ASAP1: variants seen among roughly 807,000 people sequenced by gnomAD.
ASAP1 encodes the protein ArfGAP with SH3 domain, ankyrin repeat and PH domain 1, also known as arf-GAP with SH3 domain, ANK repeat and PH domain-containing protein 1.
A neutral mutation model predicts 145.2 loss-of-function variants in ASAP1; 43 were observed. That is an observed-to-expected ratio of 0.30 (90% CI 0.23 to 0.38). The LOEUF is 0.38. Among genes scored for constraint, ASAP1 ranks in the 10% least tolerant of loss-of-function variants. The pLI is 1.00. For missense variants in ASAP1, 1,018 were observed against 1,355.3 expected, an observed-to-expected ratio of 0.75 and a Z score of 3.91; for synonymous variants, 546 against 515.5, an observed-to-expected ratio of 1.06 and a Z score of -0.80.
At chr8:130,298,896 G>A (rs1406907013) in intron 3 of ASAP1, among the ~76,000 whole-genome samples, 1 of 152,114 alleles carries the variant, frequency 6.6e-6, no homozygotes, top group Non-Finnish European at 1.5e-5. Flanking sequence ...ATGTCTGCCC[G>A]ACCAGATTAC....
At chr8:130,324,062 T>C (rs895995307) in intron 3 of ASAP1, among the ~76,000 whole-genome samples, 9 of 152,176 alleles carry the variant, frequency 5.9e-5, no homozygotes, top group Non-Finnish European at 1.3e-4. Flanking sequence ...CTGCCAGCTC[T>C]GTTAGAAACC....
At position 130,358,029 on chromosome 8, in the gene ASAP1, C is replaced by T. The variant is rs748443118; in HGVS notation, c.174G>A (p.Thr58=). 6.8e-6 allele frequency: 11 copies of T among 1,608,108 alleles called. No homozygotes were observed. In the Middle Eastern group the frequency reaches 9.9e-4, roughly 145 times the overall value. ...CGGCCCGACCTACCTCCTCCAGCAG[C>T]GTGACGGTGTTCCTGCAGTTGTGCA... is the stretch of plus-strand genomic sequence containing the variant. ...TRLHNCRNTV[T]LLEEALDQDR... The change falls in exon 3 of 30, where the codon ACG becomes ACA. Residue 58 remains threonine (T), a synonymous_variant. Transcript: ENST00000518721. This position sits in a 1 kb window ranked among gnomAD's most constrained non-coding sequence, Gnocchi z 4.1.
At chr8:130,433,761 C>A (rs925733477) in intron 1 of ASAP1, among the ~76,000 whole-genome samples, 1 of 152,120 alleles carries the variant, frequency 6.6e-6, no homozygotes, top group Non-Finnish European at 1.5e-5. Flanking sequence ...TTGTTTAGTA[C>A]CAGTTACGTG....
At position 130,256,738 on chromosome 8, in the gene ASAP1, CTTATAT is replaced by C. The variant is rs1353932099; in HGVS notation, c.187-19750_187-19745del. ...AATCTTCTTCCTGAATATACACATTCTTATATATATATATATATATATATATATATA... is the reference window on the plus strand; with the variant it reads ...AATCTTCTTCCTGAATATACACATTCATATATATATATATATATATATATA... On this transcript the variant is annotated intron_variant, in intron 3 of 29. Coordinates refer to ENST00000518721, the MANE Select transcript of ASAP1 (RefSeq NM_018482.4). Among the ~76,000 whole-genome samples, 674 of 70,772 alleles carry C rather than the reference CTTATAT, an allele frequency of 9.5e-3. 21 individuals carry two copies. Among genetic ancestry groups the C allele is most frequent in the Middle Eastern group, 0.023 (3 of 128 alleles). 46.4% of individuals were successfully genotyped at this position (70,772 alleles called of 152,430 possible). A position where few individuals can be genotyped will look rare whatever the true frequency, so the allele number is the denominator to read the frequency against.
chr8:130,236,900 C>G (rs1373758441), intron 4 of ASAP1, 22 bp downstream of exon 4: 1 of 1,481,912 alleles, frequency 6.7e-7, no homozygotes, highest in Non-Finnish European at 9.2e-7. Flanking sequence ...TTCATGTTAC[C>G]TCATTTTTAG....
rs55875346 is a variant in ASAP1 at position 130,060,075 on chromosome 8, C to CAAA, written c.3192+501_3192+503dup. ...CCTGGGCGACAGAGCGAGCCCTTCT[C>CAAA]AAAAAAAAAAAAAAAAAAAAAAAAA... On this transcript the variant is annotated intron_variant, in intron 28 of 29. Coordinates refer to ENST00000518721, the MANE Select transcript of ASAP1 (RefSeq NM_018482.4). 2.8e-3 allele frequency among the ~76,000 whole-genome samples: 270 copies of CAAA among 95,832 alleles called. 15 individuals are homozygous for CAAA. Among genetic ancestry groups the CAAA allele is most frequent in the African/African-American group, 8.5e-3 (215 of 25,288 alleles). 62.9% of individuals were successfully genotyped at this position (95,832 alleles called of 152,430 possible). A position where few individuals can be genotyped will look rare whatever the true frequency, so the allele number is the denominator to read the frequency against.
At chr8:130,057,737 T>C (rs1391413651) in intron 29 of ASAP1, among the ~76,000 whole-genome samples, 1 of 152,236 alleles carries the variant, frequency 6.6e-6, no homozygotes, top group Non-Finnish European at 1.5e-5. Flanking sequence ...CGTGAGCCAC[T>C]GTGCCCGGCC....
chr8:130,174,044 C>A (rs545676718), intron 9 of ASAP1, among the ~76,000 whole-genome samples: 1 of 146,326 alleles, frequency 6.8e-6, no homozygotes, highest in Non-Finnish European at 1.5e-5. Flanking sequence ...GCAGAAATCA[C>A]GCCACTGTAC....
intron 1 of ASAP1, among the ~76,000 whole-genome samples, chr8:130,443,242 G>A (rs1319816568): frequency 6.6e-6 from 1 of 151,766 alleles, no homozygotes; most frequent in East Asian, 1.9e-4. Flanking sequence ...GGCCTCGCCC[G>A]GCCCCGCAGA....
chr8:130,064,933 G>C (rs1196285334), intron 27 of ASAP1, among the ~76,000 whole-genome samples: 2 of 147,774 alleles, frequency 1.4e-5, no homozygotes, highest in Non-Finnish European at 3.0e-5. Flanking sequence ...GTGTGTGTGT[G>C]TAAGAATCAC....
At chr8:130,138,299 A>G (rs2097600040) in intron 13 of ASAP1, among the ~76,000 whole-genome samples, 1 of 152,218 alleles carries the variant, frequency 6.6e-6, no homozygotes, top group Admixed American at 6.5e-5. Context: ...AACATAGAAA[A>G]CAATGCCCTT....
At chr8:130,403,613 C>T (rs1054755611) in intron 1 of ASAP1, among the ~76,000 whole-genome samples, 3 of 142,710 alleles carry the variant, frequency 2.1e-5, no homozygotes, top group Non-Finnish European at 4.5e-5. Context: ...AGTGCAGTGG[C>T]GCGATCTTGG....
Position 130,401,975 on chromosome 8 carries a change from A to G in ASAP1, c.-27-5T>C. The G allele has an allele frequency of 1.2e-6, 2 of 1,603,586 alleles. No homozygotes were observed. The highest frequency in any genetic ancestry group is 2.2e-5 in the East Asian group (1 of 44,808). On this transcript the variant is annotated splice_polypyrimidine_tract_variant and splice_region_variant and intron_variant, in intron 1 of 29. Transcript: ENST00000518721. The stretch of plus-strand genomic sequence containing the variant: ...GCCGTCACATCAGAAAACGACCTGG[A>G]TAGGGGGCAGGACAAAAAGGGGACA...
chr8:130,157,237 A>G (rs1462215019), intron 12 of ASAP1, among the ~76,000 whole-genome samples: 1 of 152,160 alleles, frequency 6.6e-6, no homozygotes, highest in Non-Finnish European at 1.5e-5. Context: ...CCCAGTTTAA[A>G]TCTGTGAATT....
intron 16 of ASAP1, among the ~76,000 whole-genome samples, chr8:130,127,649 C>T (rs2097577062): frequency 6.6e-6 from 1 of 152,184 alleles, no homozygotes; most frequent in African/African-American, 2.4e-5. Flanking sequence ...CCCCTACTCT[C>T]TCCATAATGT....
intron 24 of ASAP1, among the ~76,000 whole-genome samples, chr8:130,111,575 C>T (rs1231347478): frequency 6.6e-6 from 1 of 152,180 alleles, no homozygotes; most frequent in African/African-American, 2.4e-5. Flanking sequence ...AAGTACTAGG[C>T]GTAGAGCCTC....
At chr8:130,300,089 G>A (rs1822529584) in intron 3 of ASAP1, among the ~76,000 whole-genome samples, 1 of 139,998 alleles carries the variant, frequency 7.1e-6, no homozygotes, top group African/African-American at 2.7e-5. Context: ...CAGTTTCTTG[G>A]CCAAACAAGA....
At chr8:130,417,974 C>G (rs767774378) in intron 1 of ASAP1, among the ~76,000 whole-genome samples, 1 of 152,170 alleles carries the variant, frequency 6.6e-6, no homozygotes, top group East Asian at 1.9e-4. Context: ...ACTGGACTAG[C>G]CAGGTATTGC....
chr8:130,273,919 A>G (rs1820728513), intron 3 of ASAP1, among the ~76,000 whole-genome samples: 1 of 152,078 alleles, frequency 6.6e-6, no homozygotes, highest in African/African-American at 2.4e-5. Flanking sequence ...TCAAAATCCC[A>G]TTAGTCCCAG....
Sources: allele counts gnomAD v4.1 joint callset (sites outside exome capture counted in the v4.1 genomes callset), GRCh38; gene constraint gnomAD v4.1.1; non-coding constraint Gnocchi (gnomAD v3.1); transcripts MANE v1.5; gene names NCBI Gene and HGNC (gene_info 2026-07-23, HGNC 2026-07-21).